NEGR1: variants seen among roughly 807,000 people sequenced by gnomAD.
The protein encoded by NEGR1 is neuronal growth regulator 1.
A neutral mutation model predicts 40.9 loss-of-function variants in NEGR1; 10 were observed. The observed-to-expected ratio is 0.24, with a 90% CI of 0.15 to 0.42. NEGR1 has a LOEUF of 0.42. Ranked by LOEUF, NEGR1 falls within the 10% of genes least tolerant of loss-of-function variation. The pLI, the probability that NEGR1 is intolerant of heterozygous loss-of-function variation, is 1.00. For missense variants in NEGR1, 352 were observed against 438.9 expected, an observed-to-expected ratio of 0.80 and a Z score of 1.77; for synonymous variants, 185 against 166.8, an observed-to-expected ratio of 1.11 and a Z score of -0.84.
intron 3 of NEGR1, among the ~76,000 whole-genome samples, chr1:71,711,438 C>T (rs1374021511): frequency 9.0e-6 from 1 of 111,024 alleles, no homozygotes; most frequent in East Asian, 2.6e-4. Context: ...AAATTCAATG[C>T]AAATTCAGGA....
intron 2 of NEGR1, among the ~76,000 whole-genome samples, chr1:71,840,684 G>A (rs1378873489): frequency 6.6e-6 from 1 of 152,134 alleles, no homozygotes; most frequent in Non-Finnish European, 1.5e-5. Context: ...GCTATAAATA[G>A]TTTTGTGCCA....
intron 4 of NEGR1, among the ~76,000 whole-genome samples, chr1:71,650,603 G>C (rs1373385233): frequency 6.6e-6 from 1 of 152,106 alleles, no homozygotes; most frequent in Non-Finnish European, 1.5e-5. Flanking sequence ...CCTGTTGTTT[G>C]CTCATAAGCA....
chr1:72,247,436 T>C (rs566430357), intron 1 of NEGR1, among the ~76,000 whole-genome samples: 4 of 152,292 alleles, frequency 2.6e-5, no homozygotes, highest in Admixed American at 1.3e-4. Context: ...CTCAAACCCT[T>C]TACTGCTAGA....
chr1:72,015,056 A>C (rs1216002761), intron 1 of NEGR1, among the ~76,000 whole-genome samples: 1 of 152,164 alleles, frequency 6.6e-6, no homozygotes, highest in Non-Finnish European at 1.5e-5. Flanking sequence ...ACTACAGCTA[A>C]CACCTTATTT....
intron 1 of NEGR1, among the ~76,000 whole-genome samples, chr1:72,187,813 T>C (rs966967877): frequency 2.0e-5 from 3 of 151,460 alleles, no homozygotes; most frequent in African/African-American, 7.3e-5. Flanking sequence ...TTTTTATCCT[T>C]TTTTGAAGGA....
At chr1:71,651,714 T>C (rs1006346764) in intron 4 of NEGR1, among the ~76,000 whole-genome samples, 1 of 152,124 alleles carries the variant, frequency 6.6e-6, no homozygotes, top group African/African-American at 2.4e-5. Context: ...TGAATGTATA[T>C]ATCCTGTATA....
chr1:71,623,690 T>C (rs2101555887), intron 4 of NEGR1, among the ~76,000 whole-genome samples: 1 of 152,032 alleles, frequency 6.6e-6, no homozygotes, highest in African/African-American at 2.4e-5. Context: ...ACATTTTACC[T>C]ATAAATAGTG....
chr1:71,966,440 A>G (rs1646210006), intron 1 of NEGR1, among the ~76,000 whole-genome samples: 1 of 152,080 alleles, frequency 6.6e-6, no homozygotes, highest in African/African-American at 2.4e-5. Flanking sequence ...CTTCAACCAC[A>G]CCGGATAGAG....
chr1:71,703,422 C>T (rs892434735), intron 3 of NEGR1: 7 of 141,858 alleles, frequency 4.9e-5, no homozygotes, highest in African/African-American at 1.8e-4. Context: ...AATGACTAAA[C>T]ATTTAAAGAA....
chr1:71,632,012 T>C (rs891708523), intron 4 of NEGR1, among the ~76,000 whole-genome samples: 2 of 151,724 alleles, frequency 1.3e-5, no homozygotes, highest in Non-Finnish European at 1.5e-5. Flanking sequence ...TAAAATCTAC[T>C]TCAAAGGCTT....
intron 1 of NEGR1, among the ~76,000 whole-genome samples, chr1:72,043,867 TG>T (rs1219210455): frequency 1.3e-5 from 2 of 151,912 alleles, no homozygotes; most frequent in Non-Finnish European, 2.9e-5. Context: ...CTGGATATTT[TG>T]GTTGGACTTC....
At chr1:71,985,117 A>G (rs1004158293) in intron 1 of NEGR1, among the ~76,000 whole-genome samples, 1 of 152,176 alleles carries the variant, frequency 6.6e-6, no homozygotes, top group African/African-American at 2.4e-5. Flanking sequence ...CTTATCCTCT[A>G]CATCACACTA....
intron 3 of NEGR1, among the ~76,000 whole-genome samples, chr1:71,728,823 T>C (rs1654760828): frequency 6.6e-6 from 1 of 152,128 alleles, no homozygotes; most frequent in Non-Finnish European, 1.5e-5. Flanking sequence ...CACTACTCCC[T>C]TTCTCAAAAG....
chr1:72,001,991 A>C (rs1304817987), intron 1 of NEGR1, among the ~76,000 whole-genome samples: 2 of 152,074 alleles, frequency 1.3e-5, no homozygotes, highest in Non-Finnish European at 2.9e-5. Flanking sequence ...ATGAATTTGC[A>C]GTTTTCTTAA....
At chr1:71,852,879 A>G (rs1364735669) in intron 2 of NEGR1, among the ~76,000 whole-genome samples, 1 of 151,792 alleles carries the variant, frequency 6.6e-6, no homozygotes, top group Non-Finnish European at 1.5e-5. Flanking sequence ...GACAAAGAGG[A>G]AAAAAAAGAG....
intron 5 of NEGR1, among the ~76,000 whole-genome samples, chr1:71,597,050 A>C (rs971019570): frequency 1.3e-5 from 2 of 152,144 alleles, no homozygotes; most frequent in Non-Finnish European, 2.9e-5. Context: ...TAAAAGTTTT[A>C]TTTACAAAGA....
intron 6 of NEGR1, among the ~76,000 whole-genome samples, chr1:71,526,104 C>T (rs1647212958): frequency 6.6e-6 from 1 of 151,426 alleles, no homozygotes; most frequent in African/African-American, 2.4e-5. Flanking sequence ...TTCTAAATTG[C>T]ATCGTAGGTT....
intron 3 of NEGR1, among the ~76,000 whole-genome samples, chr1:71,724,085 C>T (rs1654596580): frequency 1.3e-5 from 2 of 152,044 alleles, no homozygotes; most frequent in African/African-American, 4.8e-5. Context: ...CTTTCCTCTC[C>T]CTATGGGTCT....
chr1:71,473,331 A>G (rs898095962), intron 6 of NEGR1, among the ~76,000 whole-genome samples: 2 of 152,148 alleles, frequency 1.3e-5, no homozygotes, highest in African/African-American at 4.8e-5. Flanking sequence ...GGGAACAACA[A>G]TTAGAATGAC....
Sources: allele counts gnomAD v4.1 joint callset (sites outside exome capture counted in the v4.1 genomes callset), GRCh38; gene constraint gnomAD v4.1.1; transcripts MANE v1.5; gene names NCBI Gene and HGNC (gene_info 2026-07-23, HGNC 2026-07-21).